The following ZIM2 variants were observed in gnomAD, a reference collection of about 807,000 sequenced individuals.
ZIM2 encodes zinc finger protein 656.
A neutral mutation model predicts 38.6 loss-of-function variants in ZIM2; 14 were observed. The ratio of observed to expected loss-of-function variants is 0.36; its 90% CI spans 0.24 to 0.57. The LOEUF (loss-of-function observed/expected upper bound fraction) is 0.57. Among genes scored for constraint, ZIM2 ranks in the 20% least tolerant of loss-of-function variants. The pLI, the probability that ZIM2 is intolerant of heterozygous loss-of-function variation, is 0.81. For missense variants in ZIM2, 680 were observed against 695.1 expected (o/e 0.98, Z 0.24); for synonymous variants, 247 against 245.8 (o/e 1.00, Z -0.04).
chr19:56,780,792 T>C (rs948615861), intron 11 of ZIM2, among the ~76,000 whole-genome samples: 2 of 152,166 alleles, frequency 1.3e-5, no homozygotes, highest in Non-Finnish European at 2.9e-5. Flanking sequence ...CGTGATACCA[T>C]CAGAAGGCTT....
intron 1 of ZIM2, among the ~76,000 whole-genome samples, chr19:56,838,279 A>T (rs2062431124): frequency 6.6e-6 from 1 of 151,898 alleles, no homozygotes; most frequent in Non-Finnish European, 1.5e-5. Flanking sequence ...CTAGTCACTG[A>T]GAAAGCCCTC....
intron 2 of ZIM2, among the ~76,000 whole-genome samples, chr19:56,834,788 A>G (rs529970028): frequency 1.6e-4 from 25 of 152,240 alleles, no homozygotes; most frequent in African/African-American, 5.8e-4. Flanking sequence ...CACCACCACC[A>G]TAGCCACCTA....
intron 9 of ZIM2, among the ~76,000 whole-genome samples, chr19:56,799,859 A>G (rs2047423659): frequency 6.6e-6 from 1 of 152,254 alleles, no homozygotes; most frequent in African/African-American, 2.4e-5. Context: ...CTCAGCAAAA[A>G]AGGAACAAAC....
chr19:56,837,978 C>T (rs1163667272), intron 1 of ZIM2, among the ~76,000 whole-genome samples: 2 of 152,310 alleles, frequency 1.3e-5, no homozygotes, highest in Admixed American at 6.5e-5. Flanking sequence ...ATGCTATGGC[C>T]CCCCTCAGTC....
At chr19:56,812,954 T>C in intron 9 of ZIM2, 5 of 985,786 alleles carry the variant, frequency 5.1e-6, no homozygotes, top group Non-Finnish European at 6.0e-6. Context: ...TACACAGTAT[T>C]AGGTTCCAAA....
rs759512604 is a variant in ZIM2, at chr19:56,821,717, C to T, written c.228G>A (p.Ala76=). Residue 76 remains alanine, a synonymous_variant, in exon 7 of 13, where the codon GCG becomes GCA. Coordinates refer to ENST00000629319, the MANE Select transcript of ZIM2 (RefSeq NM_001387356.1). Reference sequence around the variant, plus strand: ...CTCTGTCCATTTCAAAGCTTGTTTTCGCCACCACAGGAAGGGAAAGATCCC... The same window carrying T: ...CTCTGTCCATTTCAAAGCTTGTTTTTGCCACCACAGGAAGGGAAAGATCCC... ...PPRDLSLPVV[A]KTSFEMDRED... is the part of the protein sequence containing the mutation. The T allele has an allele frequency of 4.3e-5, 69 of 1,613,910 alleles. No homozygotes were observed. The highest frequency in any genetic ancestry group is 3.1e-4 in the South Asian group (28 of 91,076).
intron 9 of ZIM2, chr19:56,799,230 A>C (rs2047379210): frequency 6.6e-6 from 1 of 152,254 alleles, no homozygotes; most frequent in Non-Finnish European, 1.5e-5. Context: ...TTGATAAAGG[A>C]AATATGGTAC....
intron 2 of ZIM2, among the ~76,000 whole-genome samples, chr19:56,828,234 T>C (rs924613637): frequency 6.6e-6 from 1 of 152,086 alleles, no homozygotes; most frequent in African/African-American, 2.4e-5. Flanking sequence ...AACCTGGCCA[T>C]TAGCAGGTAC....
intron 9 of ZIM2, chr19:56,816,418 C>A: frequency 6.2e-7 from 1 of 1,613,936 alleles, no homozygotes; most frequent in East Asian, 2.2e-5. Flanking sequence ...AGTTTTCTGA[C>A]GCCTTTTAAG....
intron 9 of ZIM2, among the ~76,000 whole-genome samples, chr19:56,801,101 A>AT (rs1274847566): frequency 1.7e-4 from 25 of 151,388 alleles, no homozygotes; most frequent in Admixed American, 1.3e-3. Flanking sequence ...TGCCCGGCTA[A>AT]TTTTTTTGTG....
In ZIM2 at chr19:56,822,766, C is replaced by G; in HGVS notation, c.177G>C (p.Arg59Ser). ...MEPRDRWSHT[R>S]NPRSRMPPRD... ...GTTAAGACTCACTGCTTCTTGGGTT[C>G]CTGGTGTGGGACCAGCGGTCTCGTG... The change falls in exon 6 of 13, where the codon AGG becomes AGC. Residue 59 changes from arginine to serine, a missense_variant. Transcript: ENST00000629319. 1 of 1,614,118 alleles carries G rather than the reference C, an allele frequency of 6.2e-7. No homozygotes were observed.
At chr19:56,794,860 CCAAT>C (rs1223513001) in intron 9 of ZIM2, among the ~76,000 whole-genome samples, 2 of 152,132 alleles carry the variant, frequency 1.3e-5, no homozygotes, top group Non-Finnish European at 2.9e-5. Flanking sequence ...ACTGGTTCTG[CCAAT>C]CAAGAGCATT....
At chr19:56,811,052 T>C in intron 9 of ZIM2, 2 of 978,196 alleles carry the variant, frequency 2.0e-6, no homozygotes, top group South Asian at 9.5e-5. Context: ...GAAACAAGAA[T>C]GAACAAGATA....
chr19:56,795,557 T>C (rs12609597), intron 9 of ZIM2, among the ~76,000 whole-genome samples: 2,041 of 152,312 alleles, frequency 0.013, 47 homozygotes, highest in East Asian at 0.08. Context: ...GCGCGTGCGC[T>C]CTGCGGTGGA....
chr19:56,806,001 C>T (rs147114965), intron 9 of ZIM2, among the ~76,000 whole-genome samples: 3 of 152,270 alleles, frequency 2.0e-5, no homozygotes, highest in East Asian at 1.9e-4. Flanking sequence ...TTAGGTGACA[C>T]AGACTGAAGT....
At chr19:56,776,865 A>G (rs1310604960) in intron 12 of ZIM2, among the ~76,000 whole-genome samples, 1 of 152,166 alleles carries the variant, frequency 6.6e-6, no homozygotes, top group Non-Finnish European at 1.5e-5. Context: ...GCCTGAGTTA[A>G]GCTATAGAAC....
At chr19:56,830,301 C>G (rs1219752120) in intron 2 of ZIM2, among the ~76,000 whole-genome samples, 1 of 152,108 alleles carries the variant, frequency 6.6e-6, no homozygotes, top group African/African-American at 2.4e-5. Context: ...TCCAGGAATA[C>G]AAGGAGGATG....
intron 1 of ZIM2, among the ~76,000 whole-genome samples, 159 bp downstream of exon 1, chr19:56,840,423 C>T (rs1251242254): frequency 2.0e-5 from 3 of 152,186 alleles, no homozygotes; most frequent in Non-Finnish European, 4.4e-5. Flanking sequence ...GGGCAGCGGG[C>T]GGCCAAGTAC....
intron 9 of ZIM2, among the ~76,000 whole-genome samples, chr19:56,796,274 G>GTACTTAC (rs2047222039): frequency 6.6e-6 from 1 of 152,176 alleles, no homozygotes; most frequent in African/African-American, 2.4e-5. Context: ...ATCATCTCTA[G>GTACTTAC]ATTACTTACA....
Sources: allele counts gnomAD v4.1 joint callset (sites outside exome capture counted in the v4.1 genomes callset), GRCh38; gene constraint gnomAD v4.1.1; transcripts MANE v1.5; gene names NCBI Gene and HGNC (gene_info 2026-07-23, HGNC 2026-07-21).